FANCC: variants seen among roughly 807,000 people sequenced by gnomAD.
FANCC encodes the protein Fanconi anemia group C protein.
Under a neutral mutation model 71.3 loss-of-function variants are expected in FANCC, and 55 were observed. That is an observed-to-expected ratio of 0.77 (90% CI 0.62 to 0.97). The LOEUF (loss-of-function observed/expected upper bound fraction) is 0.97, where lower values mean the gene tolerates loss of function less well. Among genes scored for constraint, FANCC ranks in the 50% least tolerant of loss-of-function variants. The pLI, the probability that FANCC is intolerant of heterozygous loss-of-function variation, is 0.00. For missense variants in FANCC, 678 were observed against 670.9 expected, an observed-to-expected ratio of 1.01 and a Z score of -0.12; for synonymous variants, 275 against 244.9, an observed-to-expected ratio of 1.12 and a Z score of -1.15.
intron 6 of FANCC, among the ~76,000 whole-genome samples, chr9:95,160,771 T>C (rs1477148045): frequency 1.3e-5 from 2 of 152,178 alleles, no homozygotes; most frequent in East Asian, 3.8e-4. Flanking sequence ...TTCCTAGGTA[T>C]TTTATTCTCT....
rs55901384 is a variant in FANCC, at chr9:95,100,328, G to C, written c.*1379C>G. 1.4e-4 allele frequency: 32 copies of C among 232,324 alleles called. No homozygotes were observed. In the East Asian group the frequency reaches 1.9e-3, roughly 14 times the overall value. 14.4% of individuals were successfully genotyped at this position (232,324 alleles called of 1,614,324 possible). ...GACTGCAGCATTTCTCAGAAGAAAG[G>C]CTCAGGTGAAAAGTTCCTGGAATTT... is the stretch of plus-strand genomic sequence containing the variant. On this transcript the variant is annotated 3_prime_UTR_variant, in exon 15 of 15. Transcript: ENST00000289081.
chr9:95,304,681 C>T (rs1300059072), intron 1 of FANCC, among the ~76,000 whole-genome samples: 2 of 128,100 alleles, frequency 1.6e-5, no homozygotes, highest in Non-Finnish European at 3.1e-5. Flanking sequence ...ACCTGGGAGG[C>T]GGAGGTTGCA....
intron 14 of FANCC, among the ~76,000 whole-genome samples, chr9:95,103,471 AAGG>A (rs963478254): frequency 7.9e-5 from 12 of 152,008 alleles, no homozygotes; most frequent in Middle Eastern, 3.2e-3. Flanking sequence ...GAGGCAGGAG[AAGG>A]AGAAGTGTGA....
intron 4 of FANCC, among the ~76,000 whole-genome samples, chr9:95,192,576 AAT>A (rs1166692524): frequency 1.3e-5 from 2 of 152,268 alleles, no homozygotes; most frequent in East Asian, 1.9e-4. Flanking sequence ...ACACCATTCA[AAT>A]ATGTTATTAA....
intron 14 of FANCC, among the ~76,000 whole-genome samples, chr9:95,102,734 T>G (rs79018285): frequency 6.6e-6 from 1 of 152,228 alleles, no homozygotes; most frequent in East Asian, 1.9e-4. Context: ...CAGGACACCC[T>G]TCAGAACTGG....
intron 9 of FANCC, 48 bp from the exon 10 acceptor site, chr9:95,125,233 C>G (rs748040163): frequency 6.7e-7 from 1 of 1,502,746 alleles, no homozygotes; most frequent in East Asian, 2.3e-5. Flanking sequence ...AGTAATCCGG[C>G]AAACATGAAA....
In FANCC at chr9:95,215,599, GTA is replaced by G. The variant is rs143253560; in HGVS notation, c.345+25048_345+25049del. On this transcript the variant is annotated intron_variant, in intron 4 of 14. Transcript: ENST00000289081. ...TGACTGCTCCTGCTAAGAGAGTACA[GTA>G]TAACTCTGTGATTTCTGAGGATAGG... 3.1e-3 allele frequency among the ~76,000 whole-genome samples: 478 copies of G among 152,270 alleles called. 8 individuals carry two copies. In the East Asian group the frequency reaches 0.043, roughly 14 times the overall value.
chr9:95,161,126 G>A (rs1431762071), intron 6 of FANCC, among the ~76,000 whole-genome samples: 1 of 152,176 alleles, frequency 6.6e-6, no homozygotes, highest in Non-Finnish European at 1.5e-5. Flanking sequence ...TACTATAAAA[G>A]ATAAGAGTTA....
intron 1 of FANCC, among the ~76,000 whole-genome samples, chr9:95,291,963 AAAAAATATAT>A (rs1454203518): frequency 2.1e-5 from 2 of 94,548 alleles, no homozygotes; most frequent in Non-Finnish European, 4.5e-5. Flanking sequence ...AAAAAAAAAA[AAAAAATATAT>A]ATATATATAT....
At chr9:95,116,960 C>T (rs766578852) in intron 11 of FANCC, among the ~76,000 whole-genome samples, 1 of 152,216 alleles carries the variant, frequency 6.6e-6, no homozygotes, top group East Asian at 1.9e-4. Flanking sequence ...GAAAAGCAAA[C>T]GAATGTACTG....
At chr9:95,228,429 C>T (rs1326138113) in intron 4 of FANCC, among the ~76,000 whole-genome samples, 1 of 152,222 alleles carries the variant, frequency 6.6e-6, no homozygotes. Context: ...CCATTCTCTC[C>T]TCTCCATGTG....
intron 4 of FANCC, among the ~76,000 whole-genome samples, chr9:95,181,191 A>G (rs375817845): frequency 7.7e-6 from 1 of 129,964 alleles, no homozygotes; most frequent in Non-Finnish European, 1.7e-5. Context: ...GTGTGTGTGT[A>G]TGAAACAAAA....
intron 14 of FANCC, among the ~76,000 whole-genome samples, 184 bp downstream of exon 14, chr9:95,106,882 A>G (rs1015630839): frequency 2.0e-5 from 3 of 152,176 alleles, no homozygotes; most frequent in Non-Finnish European, 2.9e-5. Flanking sequence ...CTTCTATGAC[A>G]TAAAGGTGCT....
At chr9:95,188,512 T>C (rs1826874050) in intron 4 of FANCC, among the ~76,000 whole-genome samples, 1 of 152,138 alleles carries the variant, frequency 6.6e-6, no homozygotes, top group Non-Finnish European at 1.5e-5. Context: ...ATAAAGAAGG[T>C]CAGGAGTTCC....
At chr9:95,234,820 C>T (rs1830205884) in intron 4 of FANCC, among the ~76,000 whole-genome samples, 1 of 152,080 alleles carries the variant, frequency 6.6e-6, no homozygotes, top group African/African-American at 2.4e-5. Flanking sequence ...GCTTTAGACC[C>T]GGGAAGAGGT....
At chr9:95,190,520 A>G (rs2135735033) in intron 4 of FANCC, among the ~76,000 whole-genome samples, 1 of 152,270 alleles carries the variant, frequency 6.6e-6, no homozygotes, top group Non-Finnish European at 1.5e-5. Flanking sequence ...TCTGGCTTCT[A>G]TCCCTACCAG....
At chr9:95,156,037 T>C (rs534394437) in intron 6 of FANCC, among the ~76,000 whole-genome samples, 3 of 152,246 alleles carry the variant, frequency 2.0e-5, no homozygotes, top group East Asian at 1.9e-4. Flanking sequence ...GAAACAACTT[T>C]TATAGATTAA....
intron 1 of FANCC, among the ~76,000 whole-genome samples, chr9:95,291,970 AT>A (rs1564833569): frequency 0.14 from 11,158 of 82,482 alleles, 738 homozygotes; most frequent in Non-Finnish European, 0.22. Context: ...AAAAAAAAAT[AT>A]ATATATATAT....
At chr9:95,281,526 G>T (rs191513144) in intron 1 of FANCC, among the ~76,000 whole-genome samples, 112 of 152,198 alleles carry the variant, frequency 7.4e-4, no homozygotes, top group African/African-American at 2.6e-3. Context: ...TGTCTTACAA[G>T]AAATGCTAAA....
Sources: gnomAD v4.1 joint callset for allele counts (sites outside exome capture counted in the v4.1 genomes callset) on GRCh38, gnomAD v4.1.1 for gene constraint, MANE v1.5 for transcripts, NCBI Gene and HGNC (gene_info 2026-07-23, HGNC 2026-07-21) for gene names.